ADGRD1: variants seen among roughly 807,000 people sequenced by gnomAD.
The protein encoded by ADGRD1 is adhesion G protein-coupled receptor D1.
Under a neutral mutation model 113.4 loss-of-function variants are expected in ADGRD1, and 77 were observed. That is an observed-to-expected ratio of 0.68 (90% CI 0.57 to 0.82). The LOEUF (loss-of-function observed/expected upper bound fraction) is 0.82, where lower values mean the gene tolerates loss of function less well. Ranked by LOEUF, ADGRD1 falls within the 40% of genes least tolerant of loss-of-function variation. The probability of loss-of-function intolerance (pLI) is 0.00; values close to 1 mark genes in which losing one functional copy is unlikely to be tolerated. For synonymous variants in ADGRD1, 474 were observed against 475.0 expected, an observed-to-expected ratio of 1.00 and a Z score of 0.03; for missense variants, 1,036 against 1,139.1, an observed-to-expected ratio of 0.91 and a Z score of 1.30.
intron 13 of ADGRD1, among the ~76,000 whole-genome samples, chr12:131,019,707 A>C (rs1406589309): frequency 1.3e-5 from 2 of 152,224 alleles, no homozygotes; most frequent in African/African-American, 4.8e-5. Flanking sequence ...TCCCAAAGCC[A>C]GGCCATCGCT....
At chr12:131,091,206 T>TA (rs1886885017) in intron 15 of ADGRD1, among the ~76,000 whole-genome samples, 1 of 152,176 alleles carries the variant, frequency 6.6e-6, no homozygotes, top group Non-Finnish European at 1.5e-5. Context: ...TTGGAACAGA[T>TA]AGAGAATTCA....
intron 21 of ADGRD1, among the ~76,000 whole-genome samples, chr12:131,132,627 C>A (rs1458187231): frequency 6.6e-6 from 1 of 152,188 alleles, no homozygotes; most frequent in Non-Finnish European, 1.5e-5. Flanking sequence ...TTCAGGCCCA[C>A]GGGGGAGTCC....
chr12:131,017,555 C>A (rs555357141), intron 13 of ADGRD1, among the ~76,000 whole-genome samples: 1 of 141,958 alleles, frequency 7.0e-6, no homozygotes, highest in Non-Finnish European at 1.5e-5. Context: ...CACACACTCA[C>A]TCCACACACT....
intron 13 of ADGRD1, among the ~76,000 whole-genome samples, chr12:131,064,327 T>C (rs1005713614): frequency 6.6e-6 from 1 of 152,204 alleles, no homozygotes; most frequent in South Asian, 2.1e-4. Context: ...TGAGGAAGTT[T>C]CCCTTTATTC....
In ADGRD1 at chr12:130,960,771, C is replaced by T. The variant is rs530842647; in HGVS notation, c.104-5692C>T. The stretch of plus-strand genomic sequence containing the variant: ...ACAGAGTCTGATATAGGAGACAACA[C>T]ACAAATATACTAACAAAAAAATCCC... On this transcript the variant is annotated intron_variant, in intron 2 of 24. Transcript: ENST00000261654. Among the ~76,000 whole-genome samples the T allele has an allele frequency of 2.6e-4, 39 of 152,034 alleles. No homozygotes were observed. In the South Asian group the frequency reaches 7.7e-3, roughly 30 times the overall value.
intron 20 of ADGRD1, among the ~76,000 whole-genome samples, chr12:131,128,349 C>T (rs553261704): frequency 1.3e-5 from 2 of 152,032 alleles, no homozygotes; most frequent in South Asian, 4.2e-4. Flanking sequence ...GAGATCCTCT[C>T]CAGCATCTCC....
chr12:131,016,178 G>A (rs75246654), intron 13 of ADGRD1, among the ~76,000 whole-genome samples: 16,378 of 152,294 alleles, frequency 0.11, 973 homozygotes, highest in Middle Eastern at 0.15. Context: ...CGGTCTTTGC[G>A]CTGTATTAGC....
chr12:131,137,712 G>C (rs1951127551), intron 23 of ADGRD1: 1 of 258,192 alleles, frequency 3.9e-6, no homozygotes, highest in Non-Finnish European at 7.7e-6. Flanking sequence ...AGGGCTGCAT[G>C]ATCACAAAGC....
Position 131,138,196 on chromosome 12 carries a change from C to T in ADGRD1, c.2496C>T (p.Arg832=), listed in dbSNP as rs943647022. 1.2e-6 allele frequency: 2 copies of T among 1,613,700 alleles called. 1 individual carries two copies. Among genetic ancestry groups the T allele is most frequent in the South Asian group, 2.2e-5 (2 of 91,084 alleles). The stretch of plus-strand genomic sequence containing the variant: ...GGTCGCTCACGAGCAGCTCTGCCCG[C>T]ACCTCCAACGCGAAGCCCTTCCACT... ...KVWSLTSSSA[R]TSNAKPFHSD... Residue 832 remains arginine (R), a synonymous_variant, in exon 24 of 25, where the codon CGC becomes CGT. Coordinates refer to ENST00000261654, the MANE Select transcript of ADGRD1 (RefSeq NM_198827.5).
intron 12 of ADGRD1, 102 bp from the exon 13 acceptor site, chr12:131,014,097 T>G (rs959324241): frequency 1.8e-6 from 2 of 1,134,624 alleles, no homozygotes; most frequent in South Asian, 3.1e-5. Context: ...AAGATTTCCG[T>G]CTCAATAGTT....
In ADGRD1 at chr12:131,022,243, T is replaced by C. The variant is rs1452599404; in HGVS notation, c.1473+7903T>C. Among the ~76,000 whole-genome samples the C allele has an allele frequency of 6.6e-6, 1 of 152,104 alleles. No homozygotes were observed. Among genetic ancestry groups the C allele is most frequent in the Non-Finnish European group, 1.5e-5 (1 of 68,026 alleles). ...GCTCACGTGGATGGCATGAGTGAGG[T>C]GGTGTCTGCCAGATGAACCCACTGT... On this transcript the variant is annotated intron_variant, in intron 13 of 24. Coordinates refer to ENST00000261654, the MANE Select transcript of ADGRD1 (RefSeq NM_198827.5). The surrounding 1 kb of genome is among the most constrained non-coding windows in gnomAD (Gnocchi z 4.6).
chr12:131,047,753 G>A (rs986296510), intron 13 of ADGRD1, among the ~76,000 whole-genome samples: 18 of 152,216 alleles, frequency 1.2e-4, no homozygotes, highest in African/African-American at 4.1e-4. Flanking sequence ...GCATTTCTTG[G>A]AAGACGTGGG....
At chr12:131,019,877 A>G (rs1725799) in intron 13 of ADGRD1, among the ~76,000 whole-genome samples, 2,738 of 18,428 alleles carry the variant, frequency 0.15, 11 homozygotes, top group Middle Eastern at 0.27. Context: ...GGTGCTCGAG[A>G]GAGATATTCC....
At chr12:131,038,626 C>T (rs1157749215) in intron 13 of ADGRD1, among the ~76,000 whole-genome samples, 2 of 152,224 alleles carry the variant, frequency 1.3e-5, no homozygotes, top group East Asian at 1.9e-4. Flanking sequence ...GGTGGACACT[C>T]ATCAGCACGG....
rs886460309 is a variant in ADGRD1, at chr12:130,984,401, G to A, written c.490+2338G>A. Among the ~76,000 whole-genome samples the A allele has an allele frequency of 2.6e-5, 4 of 152,134 alleles. No homozygotes were observed. The highest frequency in any genetic ancestry group is 2.0e-4 in the Admixed American group (3 of 15,276). On this transcript the variant is annotated intron_variant, in intron 5 of 24. Coordinates refer to ENST00000261654, the MANE Select transcript of ADGRD1 (RefSeq NM_198827.5). This position sits in a 1 kb window ranked among gnomAD's most constrained non-coding sequence, Gnocchi z 4.1. Reference sequence around the variant, plus strand: ...GGAAAGCTCGTTACTGTGCTTACCCGCTCCCTGGCCTCTGCAGACTGGGTT... The same window carrying A: ...GGAAAGCTCGTTACTGTGCTTACCCACTCCCTGGCCTCTGCAGACTGGGTT...
intron 13 of ADGRD1, among the ~76,000 whole-genome samples, chr12:131,032,612 T>C (rs1161360299): frequency 1.3e-5 from 2 of 152,232 alleles, no homozygotes; most frequent in Non-Finnish European, 2.9e-5. Context: ...AGGGCCCCTC[T>C]GCTTCCTCTC....
intron 6 of ADGRD1, chr12:130,988,531 A>G (rs1873973221): frequency 6.6e-6 from 1 of 152,220 alleles, no homozygotes; most frequent in Non-Finnish European, 1.5e-5. Context: ...GCATGACAGA[A>G]AACCCAATTC....
intron 13 of ADGRD1, among the ~76,000 whole-genome samples, chr12:131,049,476 G>A (rs182303795): frequency 2.6e-4 from 39 of 152,334 alleles, no homozygotes; most frequent in African/African-American, 7.5e-4. Context: ...CAGAGATTCT[G>A]GACACAGAGT....
At chr12:130,979,833 A>T (rs1432811712) in intron 4 of ADGRD1, among the ~76,000 whole-genome samples, 10 of 148,974 alleles carry the variant, frequency 6.7e-5, no homozygotes, top group African/African-American at 2.3e-4. Context: ...ACACACACAC[A>T]CACACACACA....
Sources: gnomAD v4.1 joint callset for allele counts (sites outside exome capture counted in the v4.1 genomes callset) on GRCh38, gnomAD v4.1.1 for gene constraint, Gnocchi (gnomAD v3.1) non-coding constraint, MANE v1.5 for transcripts, NCBI Gene and HGNC (gene_info 2026-07-23, HGNC 2026-07-21) for gene names.